Variants in RTN1 observed in about 807,000 individuals in gnomAD.
The protein encoded by RTN1 is reticulon 1, also known as reticulon-1.
In RTN1, 25 loss-of-function variants were observed where a neutral mutation model predicts 65.5. The ratio of observed to expected loss-of-function variants is 0.38; its 90% CI spans 0.28 to 0.53. RTN1 has a LOEUF of 0.53. RTN1 is among the 20% of genes least tolerant of loss of function. The pLI is 0.79. For missense variants in RTN1, 983 were observed against 1,025.4 expected (o/e 0.96, Z 0.57); for synonymous variants, 471 against 447.6 (o/e 1.05, Z -0.66).
chr14:59,848,575 G>A (rs1224353262), intron 1 of RTN1, among the ~76,000 whole-genome samples: 1 of 152,162 alleles, frequency 6.6e-6, no homozygotes, highest in Non-Finnish European at 1.5e-5. Flanking sequence ...ATTGATTTAA[G>A]ATTGGCCATA....
At chr14:59,660,203 A>G (rs1287624866) in intron 3 of RTN1, among the ~76,000 whole-genome samples, 1 of 152,216 alleles carries the variant, frequency 6.6e-6, no homozygotes, top group Non-Finnish European at 1.5e-5. Context: ...TCCTAAATAT[A>G]TATGCACCCA....
At position 59,868,169 on chromosome 14, in the gene RTN1, A is replaced by G. The variant is rs1348606800; in HGVS notation, c.241+2221T>C. On this transcript the variant is annotated intron_variant, in intron 1 of 8. Transcript: ENST00000267484. This position sits in a 1 kb window ranked among gnomAD's most constrained non-coding sequence, Gnocchi z 4.0. ...AGATCTAGTTATTTATTTATACAGC[A>G]TTTCTGGCGTTTGAGTCTCTTATAG... 6.6e-6 allele frequency among the ~76,000 whole-genome samples: 1 copy of G among 152,192 alleles called. No individual in the cohort carries two copies. Among genetic ancestry groups the G allele is most frequent in the African/African-American group, 2.4e-5 (1 of 41,454 alleles).
rs185135437 is a variant in RTN1 at position 59,663,026 on chromosome 14, G to C, written c.1766-55534C>G. On this transcript the variant is annotated intron_variant, in intron 3 of 8. Transcript: ENST00000267484. ...ACCTGACTTCAAACTATACTACAAG[G>C]CTACAGTAACCAAAACAGCATGGTA... Among the ~76,000 whole-genome samples, 73 of 152,224 alleles carry C rather than the reference G, an allele frequency of 4.8e-4. No individual in the cohort carries two copies. In the South Asian group the frequency reaches 7.1e-3, roughly 15 times the overall value.
intron 3 of RTN1, among the ~76,000 whole-genome samples, chr14:59,681,596 G>A (rs1883746961): frequency 6.6e-6 from 1 of 152,106 alleles, no homozygotes; most frequent in Admixed American, 6.5e-5. Flanking sequence ...GTTACCACCA[G>A]ACATGGGTAC....
At chr14:59,749,020 C>A (rs972510163) in intron 1 of RTN1, among the ~76,000 whole-genome samples, 1 of 149,778 alleles carries the variant, frequency 6.7e-6, no homozygotes, top group Non-Finnish European at 1.5e-5. Context: ...AACTCCTGAC[C>A]TCAGGTGATC....
chr14:59,702,540 G>A (rs1247843064), intron 3 of RTN1, among the ~76,000 whole-genome samples: 1 of 152,168 alleles, frequency 6.6e-6, no homozygotes, highest in African/African-American at 2.4e-5. Context: ...ACCCAAAACT[G>A]TGGAGTCATC....
intron 3 of RTN1, among the ~76,000 whole-genome samples, chr14:59,640,793 A>G (rs144136369): frequency 1.1e-3 from 160 of 151,996 alleles, no homozygotes; most frequent in African/African-American, 3.7e-3. Flanking sequence ...CAATATTATG[A>G]ATTCATTTTA....
intron 3 of RTN1, among the ~76,000 whole-genome samples, chr14:59,702,243 T>TGCAA (rs1266142850): frequency 6.6e-6 from 1 of 152,220 alleles, no homozygotes; most frequent in Non-Finnish European, 1.5e-5. Context: ...GGAAAGTCTG[T>TGCAA]GCAAGCAGGA....
chr14:59,660,686 A>G (rs1883224936), intron 3 of RTN1, among the ~76,000 whole-genome samples: 1 of 152,218 alleles, frequency 6.6e-6, no homozygotes, highest in South Asian at 2.1e-4. Context: ...TTTGAAACCA[A>G]TGAGAACACA....
intron 3 of RTN1, among the ~76,000 whole-genome samples, chr14:59,686,989 C>T (rs117997592): frequency 6.6e-6 from 1 of 152,164 alleles, no homozygotes; most frequent in South Asian, 2.1e-4. Flanking sequence ...GGGTAGTGGC[C>T]TCTGCAACCA....
At chr14:59,671,950 G>C (rs1486104372) in intron 3 of RTN1, among the ~76,000 whole-genome samples, 1 of 152,188 alleles carries the variant, frequency 6.6e-6, no homozygotes, top group African/African-American at 2.4e-5. Flanking sequence ...CTGACATCTA[G>C]TTCCTGCTTT....
chr14:59,717,542 A>C (rs1884562331), intron 3 of RTN1, among the ~76,000 whole-genome samples: 1 of 152,078 alleles, frequency 6.6e-6, no homozygotes, highest in African/African-American at 2.4e-5. Context: ...AAACTACTGA[A>C]ACAATGAATG....
chr14:59,750,113 T>G lies in RTN1; in HGVS notation c.242-3632A>C, dbSNP rs1305266912. 2.8e-3 allele frequency among the ~76,000 whole-genome samples: 212 copies of G among 75,090 alleles called. 8 individuals are homozygous for G. The highest frequency in any genetic ancestry group is 8.9e-3 in the African/African-American group (136 of 15,276). The allele number at this position is 75,090 out of a possible 152,430, so 49.3% of individuals were successfully genotyped here. A position where few individuals can be genotyped will look rare whatever the true frequency, so the allele number is the denominator to read the frequency against. On this transcript the variant is annotated intron_variant, in intron 1 of 8. Coordinates refer to ENST00000267484, the MANE Select transcript of RTN1 (RefSeq NM_021136.3). ...TATATATTATATATTATATATTATA[T>G]ATAATATATATTATCTATAATATAT...
chr14:59,698,048 A>T (rs920278551), intron 3 of RTN1, among the ~76,000 whole-genome samples: 2 of 152,172 alleles, frequency 1.3e-5, no homozygotes, highest in Non-Finnish European at 2.9e-5. Flanking sequence ...GTTAATATGA[A>T]AGTGATCTTT....
At chr14:59,704,908 G>A (rs887974508) in intron 3 of RTN1, among the ~76,000 whole-genome samples, 1 of 152,146 alleles carries the variant, frequency 6.6e-6, no homozygotes, top group African/African-American at 2.4e-5. Flanking sequence ...GGTAATCAGA[G>A]AGCTGGATCA....
intron 1 of RTN1, among the ~76,000 whole-genome samples, chr14:59,837,627 T>C (rs1887236066): frequency 6.6e-6 from 1 of 152,002 alleles, no homozygotes; most frequent in South Asian, 2.1e-4. Context: ...GAACTAAGAA[T>C]TCATAAGTAA....
chr14:59,655,134 A>G (rs990555954), intron 3 of RTN1, among the ~76,000 whole-genome samples: 8 of 152,344 alleles, frequency 5.3e-5, no homozygotes, highest in Non-Finnish European at 8.8e-5. Context: ...TTAATATACA[A>G]TACTCAACTG....
At position 59,820,356 on chromosome 14, in the gene RTN1, G is replaced by GTTTTTTTTTT. The variant is rs34274539; in HGVS notation, c.241+50024_241+50033dup. On this transcript the variant is annotated intron_variant, in intron 1 of 8. Coordinates refer to ENST00000267484, the MANE Select transcript of RTN1 (RefSeq NM_021136.3). ...TCTGTAGGCTGTCTGCTTATTGATAGTTTTTTTTTTTTTTTTTTTTTTTGC... is the reference window on the plus strand; with the variant it reads ...TCTGTAGGCTGTCTGCTTATTGATAGTTTTTTTTTTTTTTTTTTTTTTTTTTTTTTTTTGC... Among the ~76,000 whole-genome samples, 24 of 79,320 alleles carry GTTTTTTTTTT rather than the reference G, an allele frequency of 3.0e-4. 2 individuals carry two copies. The highest frequency in any genetic ancestry group is 6.6e-4 in the African/African-American group (14 of 21,206). 52.0% of individuals were successfully genotyped at this position (79,320 alleles called of 152,430 possible). A position where few individuals can be genotyped will look rare whatever the true frequency, so the allele number is the denominator to read the frequency against.
At chr14:59,675,082 C>G (rs1051421599) in intron 3 of RTN1, among the ~76,000 whole-genome samples, 1 of 151,110 alleles carries the variant, frequency 6.6e-6, no homozygotes, top group Non-Finnish European at 1.5e-5. Context: ...CACACAAACA[C>G]ACACACATTA....
Sources: gnomAD v4.1 joint callset for allele counts (sites outside exome capture counted in the v4.1 genomes callset) on GRCh38, gnomAD v4.1.1 for gene constraint, Gnocchi (gnomAD v3.1) non-coding constraint, MANE v1.5 for transcripts, NCBI Gene and HGNC (gene_info 2026-07-23, HGNC 2026-07-21) for gene names.